Variants in SLC38A6 observed in about 807,000 individuals in gnomAD.
SLC38A6 encodes the protein solute carrier family 38 member 6.
In SLC38A6, 73 loss-of-function variants were observed where a neutral mutation model predicts 65.0. The ratio of observed to expected loss-of-function variants is 1.12; its 90% CI spans 0.93 to 1.37. The LOEUF is 1.37. Among genes scored for constraint, SLC38A6 ranks in the 40% most tolerant of loss-of-function variants. The pLI is 0.00. For missense variants in SLC38A6, 561 were observed against 531.1 expected (o/e 1.06, Z -0.55); for synonymous variants, 183 against 178.8 (o/e 1.02, Z -0.19).
At chr14:61,003,868 T>C (rs1279149632) in intron 3 of SLC38A6, among the ~76,000 whole-genome samples, 1 of 152,168 alleles carries the variant, frequency 6.6e-6, no homozygotes, top group African/African-American at 2.4e-5. Context: ...TAGCTAGATA[T>C]GCTGACCGGA....
chr14:60,999,673 T>TG (rs1192191212), intron 3 of SLC38A6, among the ~76,000 whole-genome samples: 3 of 152,200 alleles, frequency 2.0e-5, no homozygotes, highest in Admixed American at 6.5e-5. Context: ...ATTATCCTGG[T>TG]GGACTCTAAA....
intron 15 of SLC38A6, among the ~76,000 whole-genome samples, chr14:61,062,761 A>AC (rs1411863699): frequency 1.6e-4 from 24 of 152,158 alleles, no homozygotes; most frequent in African/African-American, 5.8e-4. Context: ...GCTCACTGCA[A>AC]CCTCTACCTC....
intron 16 of SLC38A6, among the ~76,000 whole-genome samples, chr14:61,082,019 C>T (rs1290647560): frequency 2.0e-5 from 3 of 152,124 alleles, no homozygotes; most frequent in Non-Finnish European, 4.4e-5. Flanking sequence ...TGTAGTGCCT[C>T]GTGTTTATGT....
chr14:60,981,837 T>C, intron 1 of SLC38A6: 1 of 884,140 alleles, frequency 1.1e-6, no homozygotes, highest in Non-Finnish European at 1.6e-6. Context: ...AGAATGGAAG[T>C]GGCTTGGTAG....
At chr14:61,007,168 T>A (rs1292009918) in intron 3 of SLC38A6, among the ~76,000 whole-genome samples, 1 of 151,952 alleles carries the variant, frequency 6.6e-6, no homozygotes, top group East Asian at 1.9e-4. Flanking sequence ...CTCTGAGGAC[T>A]GTTGTGGGGT....
At chr14:61,003,102 TAAAAC>T (rs2038822090) in intron 3 of SLC38A6, among the ~76,000 whole-genome samples, 1 of 152,010 alleles carries the variant, frequency 6.6e-6, no homozygotes, top group Non-Finnish European at 1.5e-5. Flanking sequence ...ACACCTTAAA[TAAAAC>T]CAACCAGATA....
chr14:60,988,119 T>C (rs1189726616), intron 3 of SLC38A6, among the ~76,000 whole-genome samples: 1 of 152,208 alleles, frequency 6.6e-6, no homozygotes, highest in African/African-American at 2.4e-5. Flanking sequence ...TTTCTGTCTG[T>C]TTCTTACACT....
chr14:61,033,290 GA>G (rs1351420755), intron 6 of SLC38A6, among the ~76,000 whole-genome samples: 3 of 151,724 alleles, frequency 2.0e-5, no homozygotes, highest in Non-Finnish European at 2.9e-5. Context: ...TTAAAATATG[GA>G]AAAAAACATC....
rs564080944 is a variant in SLC38A6 at position 61,035,138 on chromosome 14, C to G, written c.483-1921C>G. Among the ~76,000 whole-genome samples the G allele has an allele frequency of 1.8e-4, 28 of 152,182 alleles. No homozygotes were observed. In the South Asian group the frequency reaches 5.8e-3, roughly 32 times the overall value. The stretch of plus-strand genomic sequence containing the variant: ...CCCTATTGGTCTTTGATGCCCCAAG[C>G]TCCCATTTTTGCATAAGTTTTACTT... On this transcript the variant is annotated intron_variant, in intron 6 of 15. Transcript: ENST00000267488.
At chr14:60,989,955 A>T (rs532948170) in intron 3 of SLC38A6, among the ~76,000 whole-genome samples, 93 of 152,072 alleles carry the variant, frequency 6.1e-4, no homozygotes, top group Non-Finnish European at 9.7e-4. Flanking sequence ...TCTTCTGTTG[A>T]ATTCTCTTAA....
intron 5 of SLC38A6, among the ~76,000 whole-genome samples, chr14:61,025,925 G>A (rs2040586382): frequency 6.6e-6 from 1 of 152,080 alleles, no homozygotes; most frequent in Non-Finnish European, 1.5e-5. Flanking sequence ...GAGACAGAAA[G>A]GCAAACTTAT....
chr14:61,021,035 C>G (rs2040317925), intron 5 of SLC38A6, among the ~76,000 whole-genome samples: 4 of 152,064 alleles, frequency 2.6e-5, no homozygotes. Flanking sequence ...TTGTTTATAA[C>G]TGTTATTGGA....
chr14:61,062,086 G>A lies in SLC38A6; in HGVS notation c.1290+9951G>A, dbSNP rs182467580. ...ACTCCTGACCTCAGGTGATCCATCC[G>A]CCTCGACCTCCCAAAGTGCTGGGCA... On this transcript the variant is annotated intron_variant, in intron 15 of 16. Transcript: ENST00000354886. Among the ~76,000 whole-genome samples the A allele has an allele frequency of 1.6e-3, 249 of 152,208 alleles. 2 individuals carry two copies. Among genetic ancestry groups the A allele is most frequent in the Admixed American group, 6.0e-3 (91 of 15,284 alleles).
chr14:61,010,041 CTGT>C, intron 3 of SLC38A6, among the ~76,000 whole-genome samples: 1 of 152,312 alleles, frequency 6.6e-6, no homozygotes, highest in African/African-American at 2.4e-5. Context: ...TCTCCAGCAC[CTGT>C]TGTTTCCTAA....
At chr14:61,071,489 C>A (rs1175575689) in intron 15 of SLC38A6, among the ~76,000 whole-genome samples, 2 of 151,952 alleles carry the variant, frequency 1.3e-5, no homozygotes, top group Non-Finnish European at 2.9e-5. Context: ...CAAGACCAGC[C>A]TGGGCAACAT....
chr14:61,074,337 G>A (rs1423190380), intron 15 of SLC38A6, among the ~76,000 whole-genome samples: 1 of 152,198 alleles, frequency 6.6e-6, no homozygotes, highest in East Asian at 1.9e-4. Flanking sequence ...ACCATAGATT[G>A]GATGGCTTAA....
chr14:61,050,783 T>A (rs1257945237), intron 13 of SLC38A6, 147 bp downstream of exon 13: 1 of 671,706 alleles, frequency 1.5e-6, no homozygotes, highest in East Asian at 3.3e-5. Context: ...ACTTCATACT[T>A]GCATATGGCC....
At chr14:61,044,593 CTGAAGT>C (rs1226185487) in intron 10 of SLC38A6, among the ~76,000 whole-genome samples, 19 of 152,068 alleles carry the variant, frequency 1.2e-4, no homozygotes, top group Non-Finnish European at 1.6e-4. Context: ...GTTTAAGAGC[CTGAAGT>C]TAGTTAAGTG....
chr14:61,044,432 A>C (rs1695494539), intron 10 of SLC38A6, among the ~76,000 whole-genome samples: 1 of 152,220 alleles, frequency 6.6e-6, no homozygotes, highest in Non-Finnish European at 1.5e-5. Context: ...ACTGAGCAAT[A>C]TATGAAATGG....
Sources: gnomAD v4.1 joint callset for allele counts (sites outside exome capture counted in the v4.1 genomes callset) on GRCh38, gnomAD v4.1.1 for gene constraint, MANE v1.5 for transcripts, NCBI Gene and HGNC (gene_info 2026-07-23, HGNC 2026-07-21) for gene names.